The following CRISP2 variants were observed in gnomAD, a reference collection of about 807,000 sequenced individuals.
CRISP2 encodes the protein cysteine rich secretory protein 2.
In CRISP2, 29 loss-of-function variants were observed where a neutral mutation model predicts 31.7. The observed-to-expected ratio is 0.92, with a 90% CI of 0.68 to 1.25. The LOEUF is 1.25. Ranked by LOEUF, CRISP2 falls within the 50% of genes most tolerant of loss-of-function variation. CRISP2 has a pLI of 0.00. For synonymous variants in CRISP2, 111 were observed against 101.4 expected, an observed-to-expected ratio of 1.09 and a Z score of -0.57; for missense variants, 318 against 286.5, an observed-to-expected ratio of 1.11 and a Z score of -0.79.
intron 4 of CRISP2, among the ~76,000 whole-genome samples, chr6:49,707,083 CT>C (rs1271546227): frequency 6.6e-6 from 1 of 152,000 alleles, no homozygotes; most frequent in African/African-American, 2.4e-5. Flanking sequence ...CTTCTTACAC[CT>C]TTTTGCTTTG....
intron 8 of CRISP2, among the ~76,000 whole-genome samples, chr6:49,697,407 G>GTGTGTGTGTGTGT (rs970345647): frequency 1.7e-4 from 26 of 151,046 alleles, no homozygotes; most frequent in African/African-American, 5.6e-4. Context: ...TGTGTGTGGT[G>GTGTGTGTGTGTGT]GTGTGTGTGT....
the CRISP2 span, among the ~76,000 whole-genome samples, chr6:49,684,116 T>C: frequency 6.6e-6 from 1 of 152,066 alleles, no homozygotes; most frequent in Non-Finnish European, 1.5e-5. Flanking sequence ...GAAAGGAATA[T>C]TGGGAGGATA....
intron 4 of CRISP2, among the ~76,000 whole-genome samples, chr6:49,705,503 T>C (rs1002968359): frequency 6.6e-6 from 1 of 152,206 alleles, no homozygotes; most frequent in African/African-American, 2.4e-5. Context: ...CTGCAGCTTC[T>C]GTACTCATAT....
rs1765158181 is a variant in CRISP2 at position 49,698,587 on chromosome 6, G to A, written c.272-80C>T. The A allele has an allele frequency of 2.7e-6, 4 of 1,461,128 alleles. No individual in the cohort carries two copies. In the Admixed American group the frequency reaches 6.8e-5, roughly 25 times the overall value. 90.5% of individuals were successfully genotyped at this position (1,461,128 alleles called of 1,614,324 possible). A position where few individuals can be genotyped will look rare whatever the true frequency, so the allele number is the denominator to read the frequency against. ...TTGACTACACAAACACAAAGATGTT[G>A]CCTTTCAAACCCAGGGTCCAGCAGA... On this transcript the variant is annotated intron_variant, in intron 6 of 9. Transcript: ENST00000339139.
At chr6:49,699,481 A>T (rs941886035) in intron 6 of CRISP2, among the ~76,000 whole-genome samples, 3 of 152,082 alleles carry the variant, frequency 2.0e-5, no homozygotes, top group African/African-American at 7.2e-5. Context: ...ACACTGTTTC[A>T]GATTATGTTC....
chr6:49,710,486 A>G (rs1349425576), intron 3 of CRISP2, among the ~76,000 whole-genome samples: 1 of 152,210 alleles, frequency 6.6e-6, no homozygotes, highest in Admixed American at 6.5e-5. Flanking sequence ...GAAAAGGCAG[A>G]CATTGTTGCA....
the CRISP2 span, among the ~76,000 whole-genome samples, chr6:49,686,943 T>C: frequency 6.6e-6 from 1 of 151,960 alleles, no homozygotes; most frequent in Non-Finnish European, 1.5e-5. Flanking sequence ...CTCAGCAAAC[T>C]ATCTCAAGGA....
chr6:49,701,327 T>C (rs1343889628), intron 4 of CRISP2, among the ~76,000 whole-genome samples: 1 of 151,740 alleles, frequency 6.6e-6, no homozygotes, highest in Non-Finnish European at 1.5e-5. Flanking sequence ...TTCTTATGCC[T>C]GTGCATCCTC....
intron 4 of CRISP2, among the ~76,000 whole-genome samples, chr6:49,701,795 T>C (rs1363197977): frequency 9.5e-6 from 1 of 105,808 alleles, no homozygotes; most frequent in African/African-American, 3.8e-5. Flanking sequence ...TGTATGTATG[T>C]ACACATTATA....
Position 49,698,496 on chromosome 6 carries a change from C to T in CRISP2, c.283G>A (p.Gly95Ser), listed in dbSNP as rs906529246. 2.5e-6 allele frequency: 4 copies of T among 1,608,756 alleles called. No individual in the cohort carries two copies. The African/African-American group carries it at 5.4e-5, about 22-fold the overall frequency. ...TCACTTGACATATAGAGATTCTCAC[C>T]ACATCTTGTACCTAAGGGGCAGATC... The part of the protein sequence containing the change: ...PEDRKTSTRC[G>S]ENLYMSSDPT... The change falls in exon 7 of 10, where the codon GGT (glycine) becomes AGT (serine). Residue 95 changes from glycine (G) to serine (S), a missense_variant. By Grantham distance (56) the Gly-to-Ser change is moderately conservative. Transcript: ENST00000339139.
At chr6:49,705,034 T>C (rs937325450) in intron 4 of CRISP2, among the ~76,000 whole-genome samples, 4 of 152,104 alleles carry the variant, frequency 2.6e-5, no homozygotes, top group Non-Finnish European at 4.4e-5. Context: ...GGATAAGTAT[T>C]CAGGTTTTTC....
chr6:49,678,422 T>C, the CRISP2 span, among the ~76,000 whole-genome samples: 2 of 152,118 alleles, frequency 1.3e-5, no homozygotes, highest in African/African-American at 4.8e-5. Context: ...GTGTATGGTT[T>C]TTCTATAAAA....
chr6:49,706,558 C>T (rs556432144), intron 4 of CRISP2, among the ~76,000 whole-genome samples: 8 of 152,172 alleles, frequency 5.3e-5, no homozygotes, highest in African/African-American at 1.9e-4. Flanking sequence ...CCTGCTAAGC[C>T]TGGAGGTGGA....
downstream of CRISP2, among the ~76,000 whole-genome samples, chr6:49,691,068 C>T (rs553656348): frequency 1.3e-5 from 2 of 151,918 alleles, no homozygotes; most frequent in East Asian, 3.9e-4. Context: ...TTAGTCACTT[C>T]TGTTAAGGAC....
downstream of CRISP2, among the ~76,000 whole-genome samples, chr6:49,687,697 G>A (rs139472494): frequency 6.6e-6 from 1 of 152,300 alleles, no homozygotes; most frequent in East Asian, 1.9e-4. Context: ...GATACAGTAG[G>A]TTCAGACATG....
At position 49,711,278 on chromosome 6, in the gene CRISP2, CACTT is replaced by C. The variant is rs773551554; in HGVS notation, c.-10+3_-10+6del. 6 of 152,138 alleles carry C rather than the reference CACTT, an allele frequency of 3.9e-5. No individual in the cohort carries two copies. The highest frequency in any genetic ancestry group is 4.8e-5 in the African/African-American group (2 of 41,416). 9.4% of individuals were successfully genotyped at this position (152,138 alleles called of 1,614,324 possible). On this transcript the variant is annotated splice_donor_5th_base_variant and intron_variant, in intron 3 of 9. Transcript: ENST00000339139. ...ATTCACATTAAAATCAATGATTTAA[CACTT>C]ACTGTTGGTTTTCTGAGCAGGATGA... is the stretch of plus-strand genomic sequence containing the variant.
intron 9 of CRISP2, 127 bp from the exon 10 acceptor site, chr6:49,693,027 G>T (rs1764175666): frequency 6.1e-6 from 5 of 822,046 alleles, no homozygotes; most frequent in Non-Finnish European, 9.6e-6. Context: ...ACTACAATGG[G>T]TCTTTCATGT....
At chr6:49,702,138 A>ATAT (rs1766112276) in intron 4 of CRISP2, among the ~76,000 whole-genome samples, 1 of 394 alleles carries the variant, frequency 2.5e-3, no homozygotes, top group Non-Finnish European at 4.0e-3. Context: ...ATATATGTGT[A>ATAT]CTATATATAT....
At chr6:49,690,184 C>T (rs982488571), downstream of CRISP2, among the ~76,000 whole-genome samples, 4 of 152,108 alleles carry the variant, frequency 2.6e-5, no homozygotes, top group African/African-American at 9.7e-5. Context: ...ATGATAAAGA[C>T]ATCTCCATTC....
Sources: gnomAD v4.1 joint callset for allele counts (sites outside exome capture counted in the v4.1 genomes callset) on GRCh38, gnomAD v4.1.1 for gene constraint, MANE v1.5 for transcripts, NCBI Gene and HGNC (gene_info 2026-07-23, HGNC 2026-07-21) for gene names.